DCLK2: variants seen among roughly 807,000 people sequenced by gnomAD.
DCLK2 encodes serine/threonine-protein kinase DCLK2.
A neutral mutation model predicts 78.4 loss-of-function variants in DCLK2; 31 were observed. The ratio of observed to expected loss-of-function variants is 0.40; its 90% CI spans 0.30 to 0.53. The LOEUF (loss-of-function observed/expected upper bound fraction) is 0.53, where lower values mean the gene tolerates loss of function less well. DCLK2 is among the 20% of genes least tolerant of loss of function. The pLI is 0.61. For synonymous variants in DCLK2, 407 were observed against 374.9 expected, an observed-to-expected ratio of 1.09 and a Z score of -0.99; for missense variants, 872 against 973.7, an observed-to-expected ratio of 0.90 and a Z score of 1.39.
chr4:150,212,416 T>A (rs1180050612), intron 5 of DCLK2, among the ~76,000 whole-genome samples: 1 of 152,218 alleles, frequency 6.6e-6, no homozygotes, highest in Non-Finnish European at 1.5e-5. Flanking sequence ...GCTGCTGACC[T>A]TAGACATTTT....
At chr4:150,201,847 A>T (rs2359926) in intron 4 of DCLK2, among the ~76,000 whole-genome samples, 1 of 152,290 alleles carries the variant, frequency 6.6e-6, no homozygotes, top group Non-Finnish European at 1.5e-5. Flanking sequence ...TCACCTCACC[A>T]CAAGCTTACT....
At chr4:150,121,646 A>G (rs1370858121) in intron 2 of DCLK2, among the ~76,000 whole-genome samples, 1 of 152,238 alleles carries the variant, frequency 6.6e-6, no homozygotes, top group African/African-American at 2.4e-5. Context: ...CCCATGAATC[A>G]TAAATGTTCT....
intron 2 of DCLK2, among the ~76,000 whole-genome samples, chr4:150,121,862 C>A (rs1732570038): frequency 6.6e-6 from 1 of 152,188 alleles, no homozygotes; most frequent in Non-Finnish European, 1.5e-5. Flanking sequence ...CTCTCTGTAC[C>A]TCTGCATCAG....
intron 5 of DCLK2, among the ~76,000 whole-genome samples, chr4:150,220,348 C>T (rs954512872): frequency 1.3e-5 from 2 of 152,128 alleles, no homozygotes; most frequent in Non-Finnish European, 2.9e-5. Flanking sequence ...ACATGGTTAG[C>T]CTGGAACCAT....
At chr4:150,080,110 A>ACCCC (rs1392462738) in intron 1 of DCLK2, among the ~76,000 whole-genome samples, 2 of 128,106 alleles carry the variant, frequency 1.6e-5, no homozygotes, top group African/African-American at 2.7e-5. Flanking sequence ...GAGTCTCAAA[A>ACCCC]GCCCCCCCCC....
chr4:150,138,700 T>A (rs1213591539), intron 2 of DCLK2, among the ~76,000 whole-genome samples: 1 of 152,160 alleles, frequency 6.6e-6, no homozygotes, highest in East Asian at 1.9e-4. Flanking sequence ...GGAGTCTCAC[T>A]CTGTCACCCA....
At chr4:150,209,322 C>A (rs944174079) in intron 5 of DCLK2, among the ~76,000 whole-genome samples, 7 of 152,192 alleles carry the variant, frequency 4.6e-5, no homozygotes, top group African/African-American at 1.7e-4. Context: ...CACACACAGC[C>A]TCTCTCACCT....
chr4:150,191,061 GC>G (rs1275944647), intron 2 of DCLK2, among the ~76,000 whole-genome samples: 2 of 152,072 alleles, frequency 1.3e-5, no homozygotes, highest in African/African-American at 4.8e-5. Context: ...AGAGGTTAAG[GC>G]TGCAGTGAGC....
At chr4:150,207,255 A>G (rs1739909076) in intron 5 of DCLK2, among the ~76,000 whole-genome samples, 1 of 152,322 alleles carries the variant, frequency 6.6e-6, no homozygotes, top group African/African-American at 2.4e-5. Flanking sequence ...TCTAGCTGCC[A>G]GGACACAGCT....
chr4:150,178,779 C>A (rs1737273620), intron 2 of DCLK2, among the ~76,000 whole-genome samples: 1 of 152,148 alleles, frequency 6.6e-6, no homozygotes, highest in Non-Finnish European at 1.5e-5. Flanking sequence ...AGTTTATTTT[C>A]TTTCCTCCTA....
intron 5 of DCLK2, among the ~76,000 whole-genome samples, chr4:150,208,389 T>A (rs1247512606): frequency 7.6e-6 from 1 of 131,036 alleles, no homozygotes; most frequent in African/African-American, 2.8e-5. Flanking sequence ...AGAAACGGAG[T>A]TTTTTTTTTT....
At chr4:150,214,799 T>C (rs1740563602) in intron 5 of DCLK2, among the ~76,000 whole-genome samples, 1 of 151,656 alleles carries the variant, frequency 6.6e-6, no homozygotes, top group Non-Finnish European at 1.5e-5. Context: ...CCATCTCTAC[T>C]AAAAATACAA....
At chr4:150,117,219 G>C (rs1442975089) in intron 2 of DCLK2, among the ~76,000 whole-genome samples, 2 of 152,094 alleles carry the variant, frequency 1.3e-5, no homozygotes, top group South Asian at 2.1e-4. Context: ...GAATCTGCCT[G>C]GGGAGTGGGG....
intron 5 of DCLK2, among the ~76,000 whole-genome samples, chr4:150,214,643 A>G (rs1435616793): frequency 6.6e-6 from 1 of 152,126 alleles, no homozygotes; most frequent in Non-Finnish European, 1.5e-5. Context: ...AGCCTAAAAT[A>G]TTACTTTCTG....
chr4:150,091,895 G>T lies in DCLK2; in HGVS notation c.422-10583G>T, dbSNP rs148501818. ...AGTATTAACTAATAGGCACAGTGTT[G>T]TACAGCCGATCTCCAGAACTTTCTC... On this transcript the variant is annotated intron_variant, in intron 1 of 15. Transcript: ENST00000296550. Among the ~76,000 whole-genome samples the T allele has an allele frequency of 3.0e-3, 453 of 151,890 alleles. 3 individuals are homozygous for T. Among genetic ancestry groups the T allele is most frequent in the African/African-American group, 9.8e-3 (404 of 41,410 alleles).
intron 2 of DCLK2, among the ~76,000 whole-genome samples, chr4:150,127,668 A>G (rs1418817262): frequency 6.6e-6 from 1 of 152,182 alleles, no homozygotes; most frequent in Non-Finnish European, 1.5e-5. Context: ...TACTCTTCTC[A>G]GGTTTCTTCT....
At chr4:150,225,868 C>T (rs573827894) in intron 8 of DCLK2, among the ~76,000 whole-genome samples, 42 of 152,206 alleles carry the variant, frequency 2.8e-4, no homozygotes, top group African/African-American at 1.0e-3. Context: ...ATTTATTTAA[C>T]CCCTCTATTT....
intron 7 of DCLK2, among the ~76,000 whole-genome samples, chr4:150,222,738 C>T (rs970617110): frequency 1.8e-4 from 28 of 151,950 alleles, no homozygotes; most frequent in East Asian, 7.7e-4. Flanking sequence ...GGGTGGCACA[C>T]GCCTGAAGTC....
intron 15 of DCLK2, among the ~76,000 whole-genome samples, chr4:150,251,777 C>T (rs1269060395): frequency 1.4e-5 from 2 of 142,330 alleles, no homozygotes; most frequent in Admixed American, 1.4e-4. Context: ...ACACACCCCA[C>T]GAGCATGCAG....
Sources: gnomAD v4.1 joint callset for allele counts (sites outside exome capture counted in the v4.1 genomes callset) on GRCh38, gnomAD v4.1.1 for gene constraint, MANE v1.5 for transcripts, NCBI Gene and HGNC (gene_info 2026-07-23, HGNC 2026-07-21) for gene names.